ART3: variants seen among roughly 807,000 people sequenced by gnomAD.
ART3 encodes the protein ADP-ribosyltransferase 3 (inactive).
In ART3, 49 loss-of-function variants were observed where a neutral mutation model predicts 48.5. The observed-to-expected ratio is 1.01, with a 90% CI of 0.80 to 1.28. The LOEUF (loss-of-function observed/expected upper bound fraction) is 1.28, where lower values mean the gene tolerates loss of function less well. Ranked by LOEUF, ART3 falls within the 50% of genes most tolerant of loss-of-function variation. ART3 has a pLI of 0.00. For synonymous variants in ART3, 145 were observed against 157.2 expected (o/e 0.92, Z 0.58); for missense variants, 438 against 454.3 (o/e 0.96, Z 0.33).
At chr4:76,041,542 A>G (rs1237149354) in intron 1 of ART3, 4 of 152,244 alleles carry the variant, frequency 2.6e-5, no homozygotes, top group Non-Finnish European at 4.4e-5. Context: ...AAATATTCCA[A>G]TAGCCACATT....
At chr4:76,034,422 A>G (rs565809262) in intron 1 of ART3, 176 of 477,434 alleles carry the variant, frequency 3.7e-4, no homozygotes, top group Non-Finnish European at 4.1e-4. Flanking sequence ...TAAGCATCAA[A>G]TCTAGAAGGT....
chr4:76,044,005 T>C (rs28827028), intron 1 of ART3, among the ~76,000 whole-genome samples: 92,872 of 151,030 alleles, frequency 0.61, 29,875 homozygotes, highest in East Asian at 0.94. Context: ...GCCAGCGGGT[T>C]GGTCCAGGGG....
chr4:76,052,015 C>G (rs1162439690), intron 1 of ART3, among the ~76,000 whole-genome samples: 1 of 149,554 alleles, frequency 6.7e-6, no homozygotes, highest in Non-Finnish European at 1.5e-5. Context: ...TCAAGCCTTT[C>G]TCCAGCCTCA....
chr4:76,041,511 G>A (rs1734972713), intron 1 of ART3: 1 of 152,096 alleles, frequency 6.6e-6, no homozygotes, highest in Admixed American at 6.6e-5. Flanking sequence ...GAAATACAGT[G>A]CAAGGCATGG....
intron 1 of ART3, among the ~76,000 whole-genome samples, chr4:76,060,288 A>C (rs1418871094): frequency 6.6e-6 from 1 of 152,154 alleles, no homozygotes; most frequent in Non-Finnish European, 1.5e-5. Flanking sequence ...TATCATAAGT[A>C]CATTGGTAAT....
chr4:76,031,748 T>C (rs1733890013), intron 1 of ART3, among the ~76,000 whole-genome samples: 1 of 152,194 alleles, frequency 6.6e-6, no homozygotes, highest in Admixed American at 6.5e-5. Context: ...TTCAATAGGG[T>C]CTGATATGCA....
intron 1 of ART3, among the ~76,000 whole-genome samples, chr4:76,031,449 A>G (rs759503699): frequency 8.6e-4 from 130 of 152,024 alleles, no homozygotes; most frequent in Non-Finnish European, 1.5e-3. Context: ...GCAAATCCCA[A>G]CTGATTTTCC....
chr4:76,110,877 A>C (rs1044505995), intron 11 of ART3, among the ~76,000 whole-genome samples: 3 of 152,162 alleles, frequency 2.0e-5, no homozygotes, highest in Non-Finnish European at 4.4e-5. Context: ...GAATGCATAA[A>C]ATATATGTAG....
At chr4:76,022,910 C>T (rs1221442036) in intron 1 of ART3, 1 of 1,295,508 alleles carries the variant, frequency 7.7e-7, no homozygotes, top group African/African-American at 1.5e-5. Context: ...ACCTATATCC[C>T]CATATCAGCA....
At chr4:76,075,781 C>G in intron 1 of ART3, 100 bp from the exon 2 acceptor site, 1 of 870,304 alleles carries the variant, frequency 1.1e-6, no homozygotes, top group Non-Finnish European at 1.8e-6. Context: ...ATGCTATCCA[C>G]TCACATTCTA....
At chr4:76,065,257 T>C (rs1464766680) in intron 1 of ART3, among the ~76,000 whole-genome samples, 1 of 152,216 alleles carries the variant, frequency 6.6e-6, no homozygotes, top group Non-Finnish European at 1.5e-5. Context: ...GCTTTTGTAC[T>C]GAATCATTTA....
At chr4:76,061,155 C>T (rs1276602558) in intron 1 of ART3, among the ~76,000 whole-genome samples, 1 of 152,280 alleles carries the variant, frequency 6.6e-6, no homozygotes, top group African/African-American at 2.4e-5. Context: ...CTGAACTAGT[C>T]AGTTGCCTAT....
intron 1 of ART3, 115 bp downstream of exon 1, chr4:76,074,934 AT>A: frequency 6.6e-6 from 1 of 152,236 alleles, no homozygotes; most frequent in Non-Finnish European, 1.5e-5. Flanking sequence ...ATCATCTTAT[AT>A]TCAAATCTTT....
At chr4:76,095,344 T>C (rs904968898) in intron 3 of ART3, among the ~76,000 whole-genome samples, 2 of 151,910 alleles carry the variant, frequency 1.3e-5, no homozygotes, top group Non-Finnish European at 2.9e-5. Context: ...CCTGCCTCTA[T>C]TAAAAATACA....
At chr4:76,036,655 CTTTAT>C (rs943181548) in intron 1 of ART3, 3 of 134,548 alleles carry the variant, frequency 2.2e-5, no homozygotes, top group African/African-American at 5.9e-5. Flanking sequence ...TTTTGTTTTG[CTTTAT>C]TTTATTTTTA....
chr4:76,082,183 A>G lies in ART3; in HGVS notation c.429A>G (p.Thr143=), dbSNP rs374530404. The G allele has an allele frequency of 6.2e-6, 10 of 1,614,132 alleles. No individual in the cohort carries two copies. Among genetic ancestry groups the G allele is most frequent in the Non-Finnish European group, 7.6e-6 (9 of 1,180,054 alleles). ...TCAAAGCTTTCCACTTTTACCTCAC[A>G]AGAGCCCTGCAGTTGCTGAGAAAAC... ...FQFKAFHFYL[T]RALQLLRKPC... The change falls in exon 3 of 12, where the codon ACA becomes ACG. Residue 143 remains threonine, a synonymous_variant. Transcript: ENST00000355810.
At chr4:76,089,728 A>G (rs1352276558) in intron 3 of ART3, among the ~76,000 whole-genome samples, 1 of 93,006 alleles carries the variant, frequency 1.1e-5, no homozygotes, top group Non-Finnish European at 2.0e-5. Context: ...ACCTCAAGCT[A>G]GTAGTTCACA....
chr4:76,105,568 T>C (rs1185079901), intron 10 of ART3: 1 of 1,288,232 alleles, frequency 7.8e-7, no homozygotes, highest in Admixed American at 2.3e-5. Flanking sequence ...ATATATTCTT[T>C]ATTGGGGGTG....
chr4:76,073,701 C>A (rs982694921), upstream of ART3, among the ~76,000 whole-genome samples: 1 of 152,178 alleles, frequency 6.6e-6, no homozygotes, highest in Admixed American at 6.5e-5. Flanking sequence ...TGTGCCCTTT[C>A]CAGTTACTAG....
Sources: gnomAD v4.1 joint callset for allele counts (sites outside exome capture counted in the v4.1 genomes callset) on GRCh38, gnomAD v4.1.1 for gene constraint, MANE v1.5 for transcripts, NCBI Gene and HGNC (gene_info 2026-07-23, HGNC 2026-07-21) for gene names.